The following PCDHGA2 variants were observed in gnomAD, a reference collection of about 807,000 sequenced individuals.
PCDHGA2 encodes the protein protocadherin gamma-A2.
A neutral mutation model predicts 59.2 loss-of-function variants in PCDHGA2; 40 were observed. The observed-to-expected ratio is 0.68, with a 90% CI of 0.52 to 0.88. The LOEUF (loss-of-function observed/expected upper bound fraction) is 0.88, where lower values mean the gene tolerates loss of function less well. Among genes scored for constraint, PCDHGA2 ranks in the 40% least tolerant of loss-of-function variants. PCDHGA2 has a pLI of 0.00. For synonymous variants in PCDHGA2, 560 were observed against 526.0 expected (o/e 1.06, Z -0.89); for missense variants, 1,226 against 1,204.0 (o/e 1.02, Z -0.27).
chr5:141,381,889 G>A (rs1385598954), intron 1 of PCDHGA2, among the ~76,000 whole-genome samples: 2 of 132,634 alleles, frequency 1.5e-5, no homozygotes, highest in Non-Finnish European at 3.1e-5. Context: ...GAGTGCAATG[G>A]TGTGATCTCG....
intron 1 of PCDHGA2, chr5:141,361,656 G>A: frequency 1.2e-6 from 2 of 1,613,748 alleles, no homozygotes; most frequent in Non-Finnish European, 1.7e-6. Context: ...ACGTGTCCGT[G>A]AGCGCGCAGA....
chr5:141,357,800 T>A, intron 1 of PCDHGA2: 1 of 795,686 alleles, frequency 1.3e-6, no homozygotes, highest in East Asian at 2.7e-5. Flanking sequence ...CACACAAAAA[T>A]GTTGTTTATT....
intron 1 of PCDHGA2, among the ~76,000 whole-genome samples, chr5:141,400,820 G>A (rs1419111099): frequency 6.6e-6 from 1 of 152,082 alleles, no homozygotes; most frequent in African/African-American, 2.4e-5. Context: ...TTACCTATTC[G>A]TTGTCTCATT....
In PCDHGA2 at chr5:141,486,128, G is replaced by C. The variant is rs1447222839; in HGVS notation, c.2425-8679G>C. ...TGAGAGTGAGAATTACTATGAATTT[G>C]ATGTGCGGGCTCGCGATGGGGGTTC... is the stretch of plus-strand genomic sequence containing the variant. On this transcript the variant is annotated intron_variant, in intron 1 of 3. Transcript: ENST00000394576. This position sits in a 1 kb window ranked among gnomAD's most constrained non-coding sequence, Gnocchi z 5.0. 6.2e-7 allele frequency: 1 copy of C among 1,614,066 alleles called. No homozygotes were observed. Among genetic ancestry groups the C allele is most frequent in the Non-Finnish European group, 8.5e-7 (1 of 1,180,034 alleles).
intron 1 of PCDHGA2, among the ~76,000 whole-genome samples, chr5:141,466,443 C>T (rs906096545): frequency 6.6e-6 from 1 of 152,186 alleles, no homozygotes; most frequent in African/African-American, 2.4e-5. Context: ...ACCGAGATGT[C>T]TATGGTGTTG....
chr5:141,409,312 AAC>A (rs762706827), intron 1 of PCDHGA2: 39 of 1,613,880 alleles, frequency 2.4e-5, no homozygotes, highest in Admixed American at 1.7e-4. Flanking sequence ...CCCTCTTCAA[AAC>A]ACGGGATCTG....
intron 1 of PCDHGA2, chr5:141,354,976 C>A: frequency 1.8e-6 from 1 of 544,760 alleles, no homozygotes; most frequent in Non-Finnish European, 3.0e-6. Flanking sequence ...CTCTGGGTGT[C>A]GCTGTTCACC....
At chr5:141,393,275 C>T (rs769641711) in intron 1 of PCDHGA2, 4 of 1,613,828 alleles carry the variant, frequency 2.5e-6, no homozygotes, top group East Asian at 4.5e-5. Context: ...GTTATCCACT[C>T]CCAGAAGCTG....
rs374131113 is a variant in PCDHGA2 at position 141,366,708 on chromosome 5, T to C, written c.2424+25313T>C. ...TGTGAGAAAAGCGAGCCTCTTCTGATGTCTGATAAGGTAGATGCAAACAAA... is the reference window on the plus strand; with the variant it reads ...TGTGAGAAAAGCGAGCCTCTTCTGACGTCTGATAAGGTAGATGCAAACAAA... On this transcript the variant is annotated intron_variant, in intron 1 of 3. Coordinates refer to ENST00000394576, the MANE Select transcript of PCDHGA2 (RefSeq NM_018915.4). 3.3e-5 allele frequency: 54 copies of C among 1,614,238 alleles called. No homozygotes were observed. In the African/African-American group the frequency reaches 5.9e-4, roughly 18 times the overall value.
At chr5:141,388,658 G>T in intron 1 of PCDHGA2, 7 of 1,613,908 alleles carry the variant, frequency 4.3e-6, no homozygotes, top group Non-Finnish European at 5.9e-6. Context: ...TGTACCCGGG[G>T]ACCACGGTGC....
intron 1 of PCDHGA2, 185 bp downstream of exon 1, chr5:141,341,580 G>T: frequency 3.3e-6 from 4 of 1,211,848 alleles, no homozygotes; most frequent in Non-Finnish European, 4.5e-6. Context: ...AAGAAGAGAC[G>T]TGAGAATCTT....
chr5:141,376,711 G>A lies in PCDHGA2; in HGVS notation c.2424+35316G>A, dbSNP rs1369731526. 2.9e-5 allele frequency: 18 copies of A among 622,360 alleles called. No homozygotes were observed. The South Asian group carries it at 3.6e-4, about 12-fold the overall frequency. 38.6% of individuals were successfully genotyped at this position (622,360 alleles called of 1,614,324 possible). On this transcript the variant is annotated intron_variant, in intron 1 of 3. Coordinates refer to ENST00000394576, the MANE Select transcript of PCDHGA2 (RefSeq NM_018915.4). ...TTTTTTTTTTTTGAGACGGAGTCTC[G>A]CTCTGTCGCCCAGGCCGGACTGCGG...
chr5:141,407,158 G>A (rs2094893881), intron 1 of PCDHGA2, among the ~76,000 whole-genome samples: 1 of 152,166 alleles, frequency 6.6e-6, no homozygotes, highest in African/African-American at 2.4e-5. Flanking sequence ...AAGTGTCTGG[G>A]AATCCTTTAT....
At chr5:141,364,493 G>C in intron 1 of PCDHGA2, 2 of 1,614,018 alleles carry the variant, frequency 1.2e-6, no homozygotes, top group Non-Finnish European at 1.7e-6. Context: ...CCTTGGGCTG[G>C]AGCCCCAGGA....
chr5:141,465,210 AT>A (rs1374516492), intron 1 of PCDHGA2, among the ~76,000 whole-genome samples: 4 of 152,032 alleles, frequency 2.6e-5, no homozygotes, highest in African/African-American at 9.7e-5. Flanking sequence ...TATAAGCTTT[AT>A]TTTTCAACAT....
intron 1 of PCDHGA2, among the ~76,000 whole-genome samples, chr5:141,479,036 G>C (rs1202411463): frequency 1.3e-5 from 2 of 152,012 alleles, no homozygotes; most frequent in Non-Finnish European, 2.9e-5. Flanking sequence ...TATACAGATC[G>C]TGTACCTCAT....
At chr5:141,400,769 T>C (rs2094071773) in intron 1 of PCDHGA2, 2 of 575,796 alleles carry the variant, frequency 3.5e-6, no homozygotes, top group Admixed American at 3.4e-5. Flanking sequence ...GCAAAAACAT[T>C]TGGTGCGTTT....
At chr5:141,403,749 C>A in intron 1 of PCDHGA2, 1 of 1,613,652 alleles carries the variant, frequency 6.2e-7, no homozygotes, top group African/African-American at 1.3e-5. Context: ...ACTGCAACAG[C>A]CAGCGACCTG....
At chr5:141,408,286 C>G (rs751845459) in intron 1 of PCDHGA2, 81 of 1,613,074 alleles carry the variant, frequency 5.0e-5, no homozygotes, top group Non-Finnish European at 6.3e-5. Context: ...TCTACCCCAC[C>G]CTGAGTGAGC....
Sources: allele counts gnomAD v4.1 joint callset (sites outside exome capture counted in the v4.1 genomes callset), GRCh38; gene constraint gnomAD v4.1.1; non-coding constraint Gnocchi (gnomAD v3.1); transcripts MANE v1.5; gene names NCBI Gene and HGNC (gene_info 2026-07-23, HGNC 2026-07-21).